EHMT1: variants seen among roughly 807,000 people sequenced by gnomAD.
The protein encoded by EHMT1 is euchromatic histone lysine methyltransferase 1.
In EHMT1, 15 loss-of-function variants were observed where a neutral mutation model predicts 147.2. That is an observed-to-expected ratio of 0.10 (90% CI 0.07 to 0.16). The LOEUF is 0.16. Ranked by LOEUF, EHMT1 falls within the 10% of genes least tolerant of loss-of-function variation. The pLI, the probability that EHMT1 is intolerant of heterozygous loss-of-function variation, is 1.00. For synonymous variants in EHMT1, 795 were observed against 709.6 expected, an observed-to-expected ratio of 1.12 and a Z score of -1.91; for missense variants, 1,587 against 1,772.4, an observed-to-expected ratio of 0.90 and a Z score of 1.88.
intron 1 of EHMT1, among the ~76,000 whole-genome samples, chr9:137,659,678 G>A (rs1295568051): frequency 1.3e-5 from 2 of 151,292 alleles, no homozygotes; most frequent in African/African-American, 2.4e-5. Flanking sequence ...TCAGCTTCCC[G>A]AGTAGCTGGG....
chr9:137,623,679 C>T (rs771336933), intron 1 of EHMT1, among the ~76,000 whole-genome samples: 12 of 152,124 alleles, frequency 7.9e-5, no homozygotes, highest in Non-Finnish European at 1.8e-4. Context: ...CTTCGGCCTC[C>T]TAAAGTGCTG....
chr9:137,739,673 G>GAA (rs1009322720), intron 4 of EHMT1, among the ~76,000 whole-genome samples: 11 of 152,254 alleles, frequency 7.2e-5, no homozygotes, highest in Non-Finnish European at 1.3e-4. Flanking sequence ...CACTTGGGTA[G>GAA]AAGCTGCAGG....
chr9:137,663,071 G>A (rs928398627), intron 1 of EHMT1, among the ~76,000 whole-genome samples: 1 of 152,194 alleles, frequency 6.6e-6, no homozygotes, highest in African/African-American at 2.4e-5. Flanking sequence ...GGGAATACAG[G>A]TGTGAGCCAC....
At chr9:137,798,976 C>A (rs2137315857) in intron 17 of EHMT1, 62 bp downstream of exon 17, 1 of 1,350,248 alleles carries the variant, frequency 7.4e-7, no homozygotes, top group Non-Finnish European at 1.1e-6. Flanking sequence ...ACTCACTGTT[C>A]TGCAGCTCCT....
chr9:137,628,758 T>A (rs187882734), intron 1 of EHMT1, among the ~76,000 whole-genome samples: 129 of 152,362 alleles, frequency 8.5e-4, no homozygotes, highest in Non-Finnish European at 1.5e-3. Context: ...TCAGCTCTAA[T>A]GTCGAAAAGA....
chr9:137,720,861 G>C (rs1183997471), intron 3 of EHMT1, among the ~76,000 whole-genome samples: 1 of 152,002 alleles, frequency 6.6e-6, no homozygotes, highest in Middle Eastern at 3.2e-3. Flanking sequence ...TACTTCTGTG[G>C]GTCAAACACA....
intron 1 of EHMT1, among the ~76,000 whole-genome samples, chr9:137,692,828 A>G (rs1943060373): frequency 6.6e-6 from 1 of 151,968 alleles, no homozygotes; most frequent in Non-Finnish European, 1.5e-5. Context: ...TGGGAGCACC[A>G]AGGAAGAGAC....
chr9:137,674,850 A>T (rs1465891515), intron 1 of EHMT1: 1 of 152,104 alleles, frequency 6.6e-6, no homozygotes, highest in African/African-American at 2.4e-5. Context: ...GGGAAGGGTG[A>T]TGGTCTGGGC....
chr9:137,790,619 T>A (rs952417827), intron 15 of EHMT1, among the ~76,000 whole-genome samples: 2 of 152,204 alleles, frequency 1.3e-5, no homozygotes, highest in Non-Finnish European at 2.9e-5. Context: ...TACTATCAAA[T>A]TACCTTAGAA....
At position 137,775,957 on chromosome 9, in the gene EHMT1, CTG is replaced by C. The variant is rs1950925140; in HGVS notation, c.1792-652_1792-651del. Among the ~76,000 whole-genome samples, 1 of 151,984 alleles carries C rather than the reference CTG, an allele frequency of 6.6e-6. No homozygotes were observed. On this transcript the variant is annotated intron_variant, in intron 11 of 26. Coordinates refer to ENST00000460843, the MANE Select transcript of EHMT1 (RefSeq NM_024757.5). This position sits in a 1 kb window ranked among gnomAD's most constrained non-coding sequence, Gnocchi z 6.1. ...CCTGTAAGCGTCTGTCTGTGTGCGC[CTG>C]TGTGTGTGAGTGTTTGAGTGTGAGC...
At position 137,775,261 on chromosome 9, in the gene EHMT1, C is replaced by T. The variant is rs1950872853; in HGVS notation, c.1791+9C>T. 2 of 1,608,256 alleles carry T rather than the reference C, an allele frequency of 1.2e-6. No homozygotes were observed. The highest frequency in any genetic ancestry group is 1.7e-6 in the Non-Finnish European group (2 of 1,179,748). Reference sequence around the variant, plus strand: ...GCTACTTCTGCACAGCGGTAAGAGCCCAGTCCGGCAGCCTCTGAGTCCTCC... The same window carrying T: ...GCTACTTCTGCACAGCGGTAAGAGCTCAGTCCGGCAGCCTCTGAGTCCTCC... On this transcript the variant is annotated intron_variant, in intron 11 of 26. Transcript: ENST00000460843. The surrounding 1 kb of genome is among the most constrained non-coding windows in gnomAD (Gnocchi z 6.1).
intron 26 of EHMT1, 39 bp downstream of exon 26, chr9:137,834,563 G>T (rs773985852): frequency 3.7e-6 from 6 of 1,607,058 alleles, no homozygotes; most frequent in Non-Finnish European, 3.4e-6. Flanking sequence ...TCCGCTGCCG[G>T]CGGGACGGTT....
rs902223841 is a variant in EHMT1 at position 137,716,958 on chromosome 9, A to G, written c.418A>G (p.Thr140Ala). 5.0e-6 allele frequency: 8 copies of G among 1,612,632 alleles called. No individual in the cohort carries two copies. The highest frequency in any genetic ancestry group is 6.8e-6 in the Non-Finnish European group (8 of 1,179,692). ...CCTACAGGCACAGCCCTTGAGGACT[A>G]CCAGCACTCTGGCCTCTTCGCTGCC... ...PALQAQPLRT[T>A]STLASSLPGH... is the part of the protein sequence containing the mutation. Residue 140 changes from threonine (T) to alanine (A), a missense_variant, in exon 3 of 27, where the codon ACC (threonine) becomes GCC (alanine). Transcript: ENST00000460843.
rs367558478 is a variant in EHMT1, at chr9:137,645,687, C to T, written c.21+26638C>T. Among the ~76,000 whole-genome samples the T allele has an allele frequency of 2.4e-4, 37 of 152,192 alleles. No individual in the cohort carries two copies. The East Asian group carries it at 5.4e-3, about 22-fold the overall frequency. On this transcript the variant is annotated intron_variant, in intron 1 of 26. Transcript: ENST00000460843. ...TTTTTCACTCGATTCCAAATGGAAT[C>T]TTAGAGAAGGGTTGGCTTTTGTACT...
chr9:137,800,537 G>A (rs1953381284), intron 17 of EHMT1: 3 of 146,136 alleles, frequency 2.1e-5, no homozygotes, highest in South Asian at 1.2e-4. Flanking sequence ...TTCAGCTCCC[G>A]TGTGTGTGCC....
At chr9:137,662,585 C>T (rs975285357) in intron 1 of EHMT1, among the ~76,000 whole-genome samples, 30 of 151,872 alleles carry the variant, frequency 2.0e-4, no homozygotes, top group Admixed American at 4.6e-4. Flanking sequence ...CTGCAACCTC[C>T]GCCTCCCAGG....
At chr9:137,632,623 C>T (rs1012898198) in intron 1 of EHMT1, among the ~76,000 whole-genome samples, 5 of 152,114 alleles carry the variant, frequency 3.3e-5, no homozygotes, top group Non-Finnish European at 7.3e-5. Context: ...AGGCTGGTCT[C>T]GAGCTCTTGG....
chr9:137,771,259 G>A (rs569784790), intron 10 of EHMT1, among the ~76,000 whole-genome samples: 1 of 148,644 alleles, frequency 6.7e-6, no homozygotes, highest in East Asian at 2.0e-4. Context: ...GAGTGCAGTG[G>A]CGTAATCTCT....
chr9:137,752,170 G>C (rs1564692498), intron 6 of EHMT1, among the ~76,000 whole-genome samples, 161 bp from the exon 7 acceptor site: 2 of 152,258 alleles, frequency 1.3e-5, no homozygotes, highest in East Asian at 3.8e-4. Flanking sequence ...CACCAGCCAG[G>C]GCTGGAGCAG....
Sources: gnomAD v4.1 joint callset for allele counts (sites outside exome capture counted in the v4.1 genomes callset) on GRCh38, gnomAD v4.1.1 for gene constraint, Gnocchi (gnomAD v3.1) non-coding constraint, MANE v1.5 for transcripts, NCBI Gene and HGNC (gene_info 2026-07-23, HGNC 2026-07-21) for gene names.